JAZF1: variants seen among roughly 807,000 people sequenced by gnomAD.
The protein encoded by JAZF1 is JAZF zinc finger 1.
Under a neutral mutation model 26.4 loss-of-function variants are expected in JAZF1, and 8 were observed. The observed-to-expected ratio is 0.30, with a 90% CI of 0.18 to 0.55. The LOEUF (loss-of-function observed/expected upper bound fraction) is 0.55, where lower values mean the gene tolerates loss of function less well. Among genes scored for constraint, JAZF1 ranks in the 20% least tolerant of loss-of-function variants. The probability of loss-of-function intolerance (pLI) is 0.94; values close to 1 mark genes in which losing one functional copy is unlikely to be tolerated. For synonymous variants in JAZF1, 126 were observed against 122.3 expected (o/e 1.03, Z -0.20); for missense variants, 199 against 322.0 (o/e 0.62, Z 2.92).
At position 28,040,822 on chromosome 7, in the gene JAZF1, C is replaced by T. The variant is rs145595888; in HGVS notation, c.116-48841G>A. ...AGATGGATGCCAGTGACTGCAGCGA[C>T]GTAAGGTAGAAGACCACAATTCTCT... On this transcript the variant is annotated intron_variant, in intron 1 of 4. Transcript: ENST00000283928. Among the ~76,000 whole-genome samples, 5 of 152,270 alleles carry T rather than the reference C, an allele frequency of 3.3e-5. No homozygotes were observed. In the East Asian group the frequency reaches 5.8e-4, roughly 18 times the overall value.
intron 2 of JAZF1, among the ~76,000 whole-genome samples, chr7:27,958,299 T>G (rs1785133080): frequency 3.9e-5 from 6 of 152,180 alleles, no homozygotes. Flanking sequence ...CTGATGTAAA[T>G]TTTTACTAAA....
At chr7:27,914,608 A>G (rs1014526002) in intron 2 of JAZF1, 9 of 375,612 alleles carry the variant, frequency 2.4e-5, no homozygotes, top group African/African-American at 1.7e-4. Flanking sequence ...CTTACTAAAA[A>G]TGGAAACTCC....
chr7:28,141,179 C>T (rs961205519), intron 1 of JAZF1, among the ~76,000 whole-genome samples: 1 of 128,696 alleles, frequency 7.8e-6, no homozygotes, highest in African/African-American at 3.1e-5. Flanking sequence ...AATAGAAAAT[C>T]GAGACAGACA....
In JAZF1 at chr7:27,840,563, G is replaced by A. The variant is rs1463245890; in HGVS notation, c.555+135C>T. 8 of 893,248 alleles carry A rather than the reference G, an allele frequency of 9.0e-6. No homozygotes were observed. The highest frequency in any genetic ancestry group is 4.7e-5 in the South Asian group (3 of 63,854). 55.3% of individuals were successfully genotyped at this position (893,248 alleles called of 1,614,324 possible). On this transcript the variant is annotated intron_variant, in intron 4 of 4. Coordinates refer to ENST00000283928, the MANE Select transcript of JAZF1 (RefSeq NM_175061.4). This position sits in a 1 kb window ranked among gnomAD's most constrained non-coding sequence, Gnocchi z 5.1. ...GTGTGCACACAGGGGTGAGGCCCAC[G>A]CACTCTAATGCAGGAGAGGGGAGTG...
At chr7:27,894,051 G>A (rs1219573297) in intron 3 of JAZF1, among the ~76,000 whole-genome samples, 1 of 152,186 alleles carries the variant, frequency 6.6e-6, no homozygotes, top group East Asian at 1.9e-4. Flanking sequence ...CTTCGTCTAT[G>A]ACTGCTATTT....
chr7:28,139,163 T>C (rs1044898923), intron 1 of JAZF1, among the ~76,000 whole-genome samples: 2 of 152,168 alleles, frequency 1.3e-5, no homozygotes, highest in African/African-American at 4.8e-5. Context: ...CTCCTGTCAG[T>C]GCCTGAAGAC....
At chr7:27,849,773 A>ACACACACACACACACACACACACACATT (rs1187295731) in intron 3 of JAZF1, among the ~76,000 whole-genome samples, 1 of 114,006 alleles carries the variant, frequency 8.8e-6, no homozygotes, top group Non-Finnish European at 1.7e-5. Flanking sequence ...ACACACACAC[A>ACACACACACACACACACACACACACATT]CCCCTACACC....
At chr7:28,167,249 C>T (rs1247433906) in intron 1 of JAZF1, among the ~76,000 whole-genome samples, 2 of 152,218 alleles carry the variant, frequency 1.3e-5, no homozygotes, top group Non-Finnish European at 2.9e-5. Flanking sequence ...AGTAAAACCT[C>T]CACCCCAGCC....
At chr7:28,048,061 C>T (rs1783527381) in intron 1 of JAZF1, among the ~76,000 whole-genome samples, 1 of 152,130 alleles carries the variant, frequency 6.6e-6, no homozygotes, top group Non-Finnish European at 1.5e-5. Context: ...GGCTACTTTT[C>T]AGAAAGAATT....
At chr7:27,990,540 T>C (rs1483874039) in intron 2 of JAZF1, among the ~76,000 whole-genome samples, 1 of 152,186 alleles carries the variant, frequency 6.6e-6, no homozygotes, top group Admixed American at 6.5e-5. Flanking sequence ...CTTATTAGAA[T>C]ATGGCTTAGT....
At chr7:27,936,254 G>GA (rs937284363) in intron 2 of JAZF1, among the ~76,000 whole-genome samples, 1 of 152,146 alleles carries the variant, frequency 6.6e-6, no homozygotes, top group East Asian at 1.9e-4. Flanking sequence ...AACTAAGTGT[G>GA]AAAAAATACA....
At chr7:27,985,640 G>C (rs1476346626) in intron 2 of JAZF1, among the ~76,000 whole-genome samples, 4 of 152,096 alleles carry the variant, frequency 2.6e-5, no homozygotes, top group African/African-American at 7.2e-5. Context: ...GCCTGGCAGA[G>C]ACACAACAAA....
chr7:27,905,573 T>G (rs1436937558), intron 2 of JAZF1, among the ~76,000 whole-genome samples: 1 of 151,494 alleles, frequency 6.6e-6, no homozygotes, highest in Non-Finnish European at 1.5e-5. Context: ...ATTTTTTTTC[T>G]TATTTTTATT....
intron 1 of JAZF1, among the ~76,000 whole-genome samples, chr7:28,116,257 C>T (rs1484300420): frequency 1.3e-5 from 2 of 152,208 alleles, no homozygotes; most frequent in Non-Finnish European, 2.9e-5. Flanking sequence ...TTATGCCATT[C>T]TGTACTCTCA....
At chr7:27,838,021 T>TC (rs1782850676) in intron 4 of JAZF1, among the ~76,000 whole-genome samples, 1 of 151,970 alleles carries the variant, frequency 6.6e-6, no homozygotes, top group Admixed American at 6.6e-5. Flanking sequence ...TTTTTTTTTT[T>TC]TCTTTTTTCC....
intron 3 of JAZF1, among the ~76,000 whole-genome samples, chr7:27,850,103 A>G (rs1783116126): frequency 6.6e-6 from 1 of 152,242 alleles, no homozygotes. Context: ...TGTAAAAGTG[A>G]TAACTGCAGT....
chr7:27,937,671 GATGGATGTAT>G (rs1411286643), intron 2 of JAZF1, among the ~76,000 whole-genome samples: 1 of 152,164 alleles, frequency 6.6e-6, no homozygotes, highest in African/African-American at 2.4e-5. Flanking sequence ...TGGTTTTATG[GATGGATGTAT>G]AACAACAGAA....
chr7:27,911,757 T>C (rs1221449927), intron 2 of JAZF1, among the ~76,000 whole-genome samples: 1 of 152,018 alleles, frequency 6.6e-6, no homozygotes, highest in Non-Finnish European at 1.5e-5. Context: ...TGATCTAGAT[T>C]TGGGAGTCAT....
chr7:28,127,786 G>A (rs1216036884), intron 1 of JAZF1, among the ~76,000 whole-genome samples: 3 of 152,068 alleles, frequency 2.0e-5, no homozygotes, highest in Non-Finnish European at 4.4e-5. Context: ...TCTTCACACG[G>A]CAATAGCAAG....
Sources: allele counts gnomAD v4.1 joint callset (sites outside exome capture counted in the v4.1 genomes callset), GRCh38; gene constraint gnomAD v4.1.1; non-coding constraint Gnocchi (gnomAD v3.1); transcripts MANE v1.5; gene names NCBI Gene and HGNC (gene_info 2026-07-23, HGNC 2026-07-21).